The following BANK1 variants were observed in gnomAD, a reference collection of about 807,000 sequenced individuals.
BANK1 encodes B-cell scaffold protein with ankyrin repeats.
A neutral mutation model predicts 94.5 loss-of-function variants in BANK1; 95 were observed. The observed-to-expected ratio is 1.00, with a 90% confidence interval of 0.85 to 1.19. The LOEUF (loss-of-function observed/expected upper bound fraction) is 1.19. Ranked by LOEUF, BANK1 falls within the 50% of genes most tolerant of loss-of-function variation. The probability of loss-of-function intolerance (pLI) is 0.00; values close to 1 mark genes in which losing one functional copy is unlikely to be tolerated. For missense variants in BANK1, 987 were observed against 932.2 expected (o/e 1.06, Z -0.77); for synonymous variants, 334 against 308.4 (o/e 1.08, Z -0.87).
chr4:102,056,476 A>G (rs1298413565), intron 11 of BANK1, among the ~76,000 whole-genome samples: 1 of 152,192 alleles, frequency 6.6e-6, no homozygotes, highest in Non-Finnish European at 1.5e-5. Context: ...ATTTAATGTT[A>G]TGGAAAGATT....
intron 7 of BANK1, among the ~76,000 whole-genome samples, chr4:101,991,127 C>T (rs774847497): frequency 2.6e-5 from 4 of 152,126 alleles, no homozygotes; most frequent in Non-Finnish European, 4.4e-5. Flanking sequence ...AGTCATGTAA[C>T]TCACCAAACC....
intron 2 of BANK1, among the ~76,000 whole-genome samples, chr4:101,850,753 T>G (rs1204766880): frequency 1.3e-5 from 2 of 152,222 alleles, no homozygotes; most frequent in Non-Finnish European, 2.9e-5. Flanking sequence ...ACTTTTTTCA[T>G]TATCATTATG....
At chr4:101,844,707 G>A (rs1560598119) in intron 2 of BANK1, among the ~76,000 whole-genome samples, 1 of 152,124 alleles carries the variant, frequency 6.6e-6, no homozygotes, top group Non-Finnish European at 1.5e-5. Flanking sequence ...GAAGATAATG[G>A]TTGCATCCCT....
chr4:101,865,240 A>T (rs1728024197), intron 4 of BANK1, among the ~76,000 whole-genome samples: 1 of 152,160 alleles, frequency 6.6e-6, no homozygotes, highest in Non-Finnish European at 1.5e-5. Context: ...TGTCATTTGA[A>T]ATCTGCTTAC....
intron 15 of BANK1, 147 bp downstream of exon 15, chr4:102,072,547 C>A: frequency 1.8e-6 from 1 of 541,480 alleles, no homozygotes; most frequent in Non-Finnish European, 3.2e-6. Context: ...TGTGCAAAAT[C>A]TATGAGCATT....
chr4:101,908,326 A>G (rs1344072951), intron 6 of BANK1, among the ~76,000 whole-genome samples: 3 of 152,208 alleles, frequency 2.0e-5, no homozygotes, highest in Non-Finnish European at 4.4e-5. Context: ...TATTTAATAA[A>G]TGGTGCTGGG....
At chr4:102,049,529 T>C (rs999784724) in intron 11 of BANK1, among the ~76,000 whole-genome samples, 7 of 152,148 alleles carry the variant, frequency 4.6e-5, no homozygotes, top group Non-Finnish European at 1.5e-5. Flanking sequence ...CTCAGCCATA[T>C]AGTCAAATGA....
In BANK1 at chr4:101,922,009, C is replaced by CGTGTGTGTGTGTGT. The variant is rs68027862; in HGVS notation, c.1206+3854_1206+3867dup. 5.6e-4 allele frequency among the ~76,000 whole-genome samples: 72 copies of CGTGTGTGTGTGTGT among 129,450 alleles called. No homozygotes were observed. In the East Asian group the frequency reaches 5.6e-3, roughly 10 times the overall value. 84.9% of individuals were successfully genotyped at this position (129,450 alleles called of 152,430 possible). A position where few individuals can be genotyped will look rare whatever the true frequency, so the allele number is the denominator to read the frequency against. On this transcript the variant is annotated intron_variant, in intron 7 of 16. Coordinates refer to ENST00000322953, the MANE Select transcript of BANK1 (RefSeq NM_017935.5). ...TCTTTGTCCCTGTGGACACTGGGCCCGTGTGTGTGTGTGTGTGTGTGTGTG... is the reference window on the plus strand; with the variant it reads ...TCTTTGTCCCTGTGGACACTGGGCCCGTGTGTGTGTGTGTGTGTGTGTGTGTGTGTGTGTGTGTG...
chr4:101,952,314 C>T (rs1179686265), intron 7 of BANK1, among the ~76,000 whole-genome samples: 5 of 152,038 alleles, frequency 3.3e-5, no homozygotes, highest in Admixed American at 1.3e-4. Flanking sequence ...CTTTTGACAA[C>T]ATTGAGAACT....
intron 4 of BANK1, among the ~76,000 whole-genome samples, chr4:101,866,023 T>C (rs1728055922): frequency 6.6e-6 from 1 of 152,002 alleles, no homozygotes; most frequent in South Asian, 2.1e-4. Flanking sequence ...AAACCAAACA[T>C]TGCAAGGCAT....
At chr4:102,040,855 A>G (rs1468828870) in intron 10 of BANK1, among the ~76,000 whole-genome samples, 1 of 151,752 alleles carries the variant, frequency 6.6e-6, no homozygotes, top group Non-Finnish European at 1.5e-5. Flanking sequence ...CGTCACATCT[A>G]AGCCCTAACT....
At chr4:101,870,394 G>GAGTAAA in intron 4 of BANK1, 111 bp from the exon 5 acceptor site, 4 of 951,358 alleles carry the variant, frequency 4.2e-6, no homozygotes, top group Non-Finnish European at 5.8e-6. Flanking sequence ...TGCTAGAGAT[G>GAGTAAA]AGTAAAAGTG....
At chr4:102,047,890 A>G (rs564117482) in intron 11 of BANK1, among the ~76,000 whole-genome samples, 1 of 152,180 alleles carries the variant, frequency 6.6e-6, no homozygotes, top group South Asian at 2.1e-4. Context: ...TACCATGTAT[A>G]GACAATTAGT....
At chr4:101,854,010 C>G (rs1029560034) in intron 2 of BANK1, among the ~76,000 whole-genome samples, 1 of 152,086 alleles carries the variant, frequency 6.6e-6, no homozygotes, top group Non-Finnish European at 1.5e-5. Flanking sequence ...TGTCTAATTT[C>G]GATGTTGTTG....
Position 102,060,386 on chromosome 4 carries a change from G to A in BANK1, c.2145G>A (p.Gln715=). ...QMGKSGLEMI[Q]QEKLRQLRDC... is the part of the protein sequence containing the mutation. The stretch of plus-strand genomic sequence containing the variant: ...GAAAAAGTGGCCTGGAAATGATTCA[G>A]CAGGTAATATTGGCCCAGTGTTTTC... Residue 715 remains glutamine (Q), a synonymous_variant, in exon 12 of 17, where the codon CAG becomes CAA. Transcript: ENST00000322953. 6.2e-7 allele frequency: 1 copy of A among 1,605,904 alleles called. No homozygotes were observed.
intron 7 of BANK1, among the ~76,000 whole-genome samples, chr4:101,947,322 T>TATATG (rs1578414544): frequency 1.4e-5 from 2 of 141,460 alleles, no homozygotes; most frequent in African/African-American, 2.6e-5. Context: ...TGTATATGTA[T>TATATG]TATGTATTAT....
At chr4:102,053,719 A>AATT (rs1392922673) in intron 11 of BANK1, among the ~76,000 whole-genome samples, 1 of 151,914 alleles carries the variant, frequency 6.6e-6, no homozygotes, top group African/African-American at 2.4e-5. Flanking sequence ...AATTATTGTA[A>AATT]ATTTATTTAT....
Position 102,035,415 on chromosome 4 carries a change from G to C in BANK1, c.1900+5150G>C, listed in dbSNP as rs534010161. On this transcript the variant is annotated intron_variant, in intron 10 of 16. Transcript: ENST00000322953. ...TGTAATCCCAGTACTTTGGGAGGCC[G>C]AGGCGGGCGGATCACGAGGTCAGGA... 9.9e-4 allele frequency among the ~76,000 whole-genome samples: 151 copies of C among 152,076 alleles called. 1 individual carries two copies. Among genetic ancestry groups the C allele is most frequent in the Non-Finnish European group, 1.7e-3 (113 of 67,990 alleles).
At chr4:101,844,767 A>G (rs1727182142) in intron 2 of BANK1, among the ~76,000 whole-genome samples, 1 of 152,234 alleles carries the variant, frequency 6.6e-6, no homozygotes, top group Non-Finnish European at 1.5e-5. Flanking sequence ...ATTTCTACAT[A>G]GGGCATTTGA....
Sources: gnomAD v4.1 joint callset for allele counts (sites outside exome capture counted in the v4.1 genomes callset) on GRCh38, gnomAD v4.1.1 for gene constraint, MANE v1.5 for transcripts, NCBI Gene and HGNC (gene_info 2026-07-23, HGNC 2026-07-21) for gene names.